The following ZNF680 variants were observed in gnomAD, a reference collection of about 807,000 sequenced individuals.
The protein encoded by ZNF680 is hypothetical protein FLJ90430.
Under a neutral mutation model 12.1 loss-of-function variants are expected in ZNF680, and 6 were observed. That is an observed-to-expected ratio of 0.49 (90% confidence interval 0.27 to 0.98). The LOEUF is 0.98. Ranked by LOEUF, ZNF680 falls within the 50% of genes least tolerant of loss-of-function variation. The pLI is 0.12. For missense variants in ZNF680, 561 were observed against 616.3 expected, an observed-to-expected ratio of 0.91 and a Z score of 0.95; for synonymous variants, 170 against 199.3, an observed-to-expected ratio of 0.85 and a Z score of 1.24.
At chr7:64,546,302 C>T (rs1786783786) in intron 1 of ZNF680, among the ~76,000 whole-genome samples, 2 of 152,108 alleles carry the variant, frequency 1.3e-5, no homozygotes, top group African/African-American at 4.8e-5. Flanking sequence ...GAGAATATGC[C>T]TCTAAAGGTG....
chr7:64,532,776 C>A (rs903408283), intron 3 of ZNF680, among the ~76,000 whole-genome samples: 2 of 152,170 alleles, frequency 1.3e-5, no homozygotes, highest in African/African-American at 4.8e-5. Context: ...AAATCCTTAA[C>A]AAAATACCAG....
At chr7:64,519,216 T>C (rs1356026101), downstream of ZNF680, among the ~76,000 whole-genome samples, 2 of 151,884 alleles carry the variant, frequency 1.3e-5, no homozygotes, top group Non-Finnish European at 2.9e-5. Context: ...GATATACGAA[T>C]GGCCAAGAAA....
chr7:64,546,525 C>A (rs142962648), intron 1 of ZNF680, among the ~76,000 whole-genome samples: 1 of 152,088 alleles, frequency 6.6e-6, no homozygotes, highest in Non-Finnish European at 1.5e-5. Flanking sequence ...GTGGATTGCC[C>A]GAGCTCAGGA....
chr7:64,542,857 C>T (rs142355751), intron 3 of ZNF680, among the ~76,000 whole-genome samples: 133 of 152,226 alleles, frequency 8.7e-4, no homozygotes, highest in Non-Finnish European at 1.5e-3. Context: ...TGCCACCATG[C>T]CAGGCTAATT....
Position 64,522,243 on chromosome 7 carries a change from T to C in ZNF680, c.511A>G (p.Ser171Gly). The change falls in exon 4 of 4, where the codon AGT becomes GGT. Residue 171 changes from serine to glycine, a missense_variant. Transcript: ENST00000309683. ...KVFHKFSNSNSHKKRNTGKKV... is the reference protein window; with the variant it reads ...KVFHKFSNSNGHKKRNTGKKV... ...TTTCCAGTATTTCTTTTCTTATGAC[T>C]GTTTGAATTTGAAAATTTATGAAAG... The C allele has an allele frequency of 6.2e-7, 1 of 1,612,714 alleles. No homozygotes were observed. Among genetic ancestry groups the C allele is most frequent in the South Asian group, 1.1e-5 (1 of 90,958 alleles).
In ZNF680 at chr7:64,540,335, C is replaced by T. The variant is rs186328895; in HGVS notation, c.253+3372G>A. Among the ~76,000 whole-genome samples the T allele has an allele frequency of 7.6e-3, 1,091 of 143,888 alleles. 12 individuals carry two copies. The highest frequency in any genetic ancestry group is 0.013 in the Non-Finnish European group (844 of 67,010). The allele number at this position is 143,888 out of a possible 152,430, so 94.4% of individuals were successfully genotyped here. A position where few individuals can be genotyped will look rare whatever the true frequency, so the allele number is the denominator to read the frequency against. ...TTTTTTTTTTTTTGAGATGGAGGCT[C>T]GCTCTGTCGCCCAGGCTGGAGTACA... On this transcript the variant is annotated intron_variant, in intron 3 of 3. Coordinates refer to ENST00000309683, the MANE Select transcript of ZNF680 (RefSeq NM_178558.5).
At chr7:64,504,105 CAATAG>C in the ZNF680 span, among the ~76,000 whole-genome samples, 2 of 152,124 alleles carry the variant, frequency 1.3e-5, no homozygotes, top group Non-Finnish European at 2.9e-5. Flanking sequence ...GTTATTCTGT[CAATAG>C]AATACTATTA....
intron 3 of ZNF680, among the ~76,000 whole-genome samples, chr7:64,539,351 C>CAAAGAAAAAAAAAAAA (rs1786361631): frequency 2.1e-5 from 1 of 48,498 alleles, no homozygotes; most frequent in African/African-American, 1.0e-4. Flanking sequence ...AACTTCGTCT[C>CAAAGAAAAAAAAAAAA]AAAAAAAAAA....
chr7:64,532,952 T>G (rs933182052), intron 3 of ZNF680, among the ~76,000 whole-genome samples: 1 of 152,190 alleles, frequency 6.6e-6, no homozygotes, highest in Non-Finnish European at 1.5e-5. Context: ...GAAAAAGCAT[T>G]TGACAAAATC....
At chr7:64,528,853 A>G (rs1785706835) in intron 3 of ZNF680, among the ~76,000 whole-genome samples, 1 of 152,046 alleles carries the variant, frequency 6.6e-6, no homozygotes, top group Admixed American at 6.6e-5. Context: ...CACTTCCCAG[A>G]AGGAGGCAAA....
intron 3 of ZNF680, among the ~76,000 whole-genome samples, chr7:64,531,596 C>CAAAAA (rs34791051): frequency 1.0e-4 from 10 of 95,266 alleles, no homozygotes; most frequent in Admixed American, 2.4e-4. Context: ...GACTCCGTCT[C>CAAAAA]AAAAAAAAAA....
At chr7:64,510,939 AAATAAAAAT>A in the ZNF680 span, among the ~76,000 whole-genome samples, 8,595 of 77,672 alleles carry the variant, frequency 0.11, 2,001 homozygotes, top group East Asian at 0.23. Context: ...TAAAAAATAA[AAATAAAAAT>A]AAAAATAAAA....
At chr7:64,526,415 C>A in intron 3 of ZNF680, 1 of 1,489,442 alleles carries the variant, frequency 6.7e-7, no homozygotes, top group Non-Finnish European at 8.9e-7. Flanking sequence ...AGTAGCCTGG[C>A]AAAGTGGATT....
At chr7:64,510,909 CA>C in the ZNF680 span, among the ~76,000 whole-genome samples, 488 of 45,276 alleles carry the variant, frequency 0.011, 42 homozygotes, top group African/African-American at 0.071. Flanking sequence ...GACTCCGTCT[CA>C]AAAAAAAAAA....
At chr7:64,519,120 C>CA (rs892801876), downstream of ZNF680, among the ~76,000 whole-genome samples, 7 of 151,826 alleles carry the variant, frequency 4.6e-5, no homozygotes, top group Non-Finnish European at 8.8e-5. Context: ...CCAGAATCTA[C>CA]AAAAAACTCA....
At chr7:64,545,263 CAAAAAAAAA>C (rs532422147) in intron 1 of ZNF680, among the ~76,000 whole-genome samples, 3 of 89,718 alleles carry the variant, frequency 3.3e-5, no homozygotes, top group Non-Finnish European at 6.9e-5. Context: ...GACTCCATCT[CAAAAAAAAA>C]AAAAAAAAAA....
the ZNF680 span, among the ~76,000 whole-genome samples, chr7:64,506,126 G>C: frequency 6.6e-6 from 1 of 151,578 alleles, no homozygotes; most frequent in South Asian, 2.1e-4. Context: ...AAACAGGCTT[G>C]GAATCTTGAG....
the ZNF680 span, among the ~76,000 whole-genome samples, chr7:64,506,809 G>A: frequency 6.6e-6 from 1 of 152,100 alleles, no homozygotes; most frequent in South Asian, 2.1e-4. Context: ...CTCTGCTATT[G>A]TGAGCAAGTC....
intron 1 of ZNF680, among the ~76,000 whole-genome samples, chr7:64,549,768 G>A (rs983046115): frequency 6.6e-6 from 1 of 152,010 alleles, no homozygotes; most frequent in Non-Finnish European, 1.5e-5. Flanking sequence ...ATCACCTGAG[G>A]TCAGGAGTTT....
Sources: allele counts gnomAD v4.1 joint callset (sites outside exome capture counted in the v4.1 genomes callset), GRCh38; gene constraint gnomAD v4.1.1; transcripts MANE v1.5; gene names NCBI Gene and HGNC (gene_info 2026-07-23, HGNC 2026-07-21).